Variants in SP100 observed in about 807,000 individuals in gnomAD.
SP100 encodes the protein nuclear autoantigen Sp-100.
In SP100, 84 loss-of-function variants were observed where a neutral mutation model predicts 130.0. The ratio of observed to expected loss-of-function variants is 0.65; its 90% CI spans 0.54 to 0.77. SP100 has a LOEUF of 0.77. Among genes scored for constraint, SP100 ranks in the 30% least tolerant of loss-of-function variants. SP100 has a pLI of 0.00. For missense variants in SP100, 978 were observed against 1,052.2 expected (o/e 0.93, Z 0.97); for synonymous variants, 331 against 351.7 (o/e 0.94, Z 0.66).
intron 24 of SP100, among the ~76,000 whole-genome samples, chr2:230,529,505 T>C (rs1361020044): frequency 6.6e-6 from 1 of 152,216 alleles, no homozygotes; most frequent in African/African-American, 2.4e-5. Flanking sequence ...AGCATTCCCT[T>C]TGAAAACCGG....
rs1010350674 is a variant in SP100 at position 230,487,813 on chromosome 2, A to G, written c.1601-6603A>G. Among the ~76,000 whole-genome samples, 23 of 152,332 alleles carry G rather than the reference A, an allele frequency of 1.5e-4. No homozygotes were observed. The East Asian group carries it at 3.1e-3, about 20-fold the overall frequency. On this transcript the variant is annotated intron_variant, in intron 17 of 28. Coordinates refer to ENST00000340126, the MANE Select transcript of SP100 (RefSeq NM_001080391.2). ...TTCATGATATTGATTCTTCCTATCC[A>G]TAAGGTTGGAATGTTTTTTCATTTA...
At chr2:230,510,949 C>T (rs1690544869) in intron 23 of SP100, 176 bp from the exon 24 acceptor site, 1 of 642,752 alleles carries the variant, frequency 1.6e-6, no homozygotes, top group Middle Eastern at 4.2e-4. Flanking sequence ...CTGTCACTGA[C>T]ACATAATTTA....
Position 230,446,847 on chromosome 2 carries a change from A to G in SP100, c.468A>G (p.Glu156=). 6.2e-7 allele frequency: 1 copy of G among 1,611,978 alleles called. No homozygotes were observed. Residue 156 remains glutamate (E), a synonymous_variant, in exon 5 of 29, where the codon GAA becomes GAG. Transcript: ENST00000340126. ...TCCATGACAAATTGCCTCTCCAAGA[A>G]AGTGAAGAAGAAGAGAGGGAGGAGA... ...NVIHDKLPLQ[E]SEEEEREERS... is the part of the protein sequence containing the mutation.
rs190190738 is a variant in SP100 at position 230,542,989 on chromosome 2, C to A, written c.*43C>A. On this transcript the variant is annotated 3_prime_UTR_variant, in exon 29 of 29. Coordinates refer to ENST00000340126, the MANE Select transcript of SP100 (RefSeq NM_001080391.2). ...CTTCAGATCCTCTGGCAGCTAGCTACGCAATGTGCCTGTGGTCCCACTAAT... is the reference window on the plus strand; with the variant it reads ...CTTCAGATCCTCTGGCAGCTAGCTAAGCAATGTGCCTGTGGTCCCACTAAT... 1 of 1,099,146 alleles carries A rather than the reference C, an allele frequency of 9.1e-7. No individual in the cohort carries two copies. The highest frequency in any genetic ancestry group is 1.4e-6 in the Non-Finnish European group (1 of 718,082). 68.1% of individuals were successfully genotyped at this position (1,099,146 alleles called of 1,614,324 possible). A position where few individuals can be genotyped will look rare whatever the true frequency, so the allele number is the denominator to read the frequency against.
At chr2:230,518,688 A>G (rs1691034825) in intron 24 of SP100, among the ~76,000 whole-genome samples, 2 of 152,050 alleles carry the variant, frequency 1.3e-5, no homozygotes, top group African/African-American at 4.8e-5. Context: ...GAAAATTGAT[A>G]TATTAGACAA....
At chr2:230,444,417 T>G in intron 4 of SP100, 71 bp downstream of exon 4, 29 of 1,221,720 alleles carry the variant, frequency 2.4e-5, no homozygotes, top group Non-Finnish European at 3.1e-5. Flanking sequence ...ACTGATCTCC[T>G]ACCATGAGTG....
chr2:230,532,489 T>C (rs1691744802), intron 24 of SP100, among the ~76,000 whole-genome samples: 2 of 151,974 alleles, frequency 1.3e-5, no homozygotes, highest in African/African-American at 4.8e-5. Flanking sequence ...TTTAGTTATC[T>C]TTACCATTAT....
intron 17 of SP100, among the ~76,000 whole-genome samples, chr2:230,482,567 T>A (rs2065883254): frequency 6.7e-6 from 1 of 148,492 alleles, no homozygotes; most frequent in Non-Finnish European, 1.5e-5. Flanking sequence ...TTAATTCTTT[T>A]AGAATTGATT....
chr2:230,466,191 A>AAAAAAC, intron 11 of SP100, 110 bp from the exon 12 acceptor site: 1 of 561,302 alleles, frequency 1.8e-6, no homozygotes, highest in South Asian at 2.4e-5. Flanking sequence ...TCTCAAAAAA[A>AAAAAAC]AAAAAAAAAA....
At chr2:230,500,788 A>T (rs2066976606) in intron 19 of SP100, among the ~76,000 whole-genome samples, 1 of 152,104 alleles carries the variant, frequency 6.6e-6, no homozygotes, top group Non-Finnish European at 1.5e-5. Context: ...ATGACATTTT[A>T]CTGTGGCAAC....
chr2:230,447,600 G>A (rs1004251324), intron 5 of SP100, among the ~76,000 whole-genome samples: 1 of 152,068 alleles, frequency 6.6e-6, no homozygotes, highest in African/African-American at 2.4e-5. Flanking sequence ...ACTTATATTT[G>A]ACATTTATTA....
At chr2:230,417,559 A>C (rs1163827049) in intron 1 of SP100, 32 bp from the exon 2 acceptor site, 1 of 1,603,568 alleles carries the variant, frequency 6.2e-7, no homozygotes, top group Non-Finnish European at 8.5e-7. Context: ...GGGTCCAGTT[A>C]TTTACTTGGT....
intron 15 of SP100, among the ~76,000 whole-genome samples, chr2:230,472,539 C>A (rs183571768): frequency 6.9e-6 from 1 of 144,784 alleles, no homozygotes; most frequent in East Asian, 2.1e-4. Flanking sequence ...AATAATAAAA[C>A]TAGATCTAAA....
chr2:230,481,995 T>C (rs1218259905), intron 17 of SP100, among the ~76,000 whole-genome samples: 3 of 152,186 alleles, frequency 2.0e-5, no homozygotes, highest in African/African-American at 2.4e-5. Flanking sequence ...TTAGGGTACA[T>C]GTGCACATTG....
chr2:230,471,322 T>C (rs982882836), intron 15 of SP100, among the ~76,000 whole-genome samples: 1 of 152,188 alleles, frequency 6.6e-6, no homozygotes, highest in Non-Finnish European at 1.5e-5. Context: ...TACTCATTGA[T>C]ATAGGTGTAT....
intron 1 of SP100, chr2:230,416,935 G>A (rs888871423): frequency 5.1e-6 from 5 of 971,696 alleles, no homozygotes; most frequent in Middle Eastern, 5.2e-4. Context: ...TCCCAAGATG[G>A]GGGATACCTC....
Position 230,506,462 on chromosome 2 carries a change from T to A in SP100, c.2013+17T>A. 6.2e-7 allele frequency: 1 copy of A among 1,612,414 alleles called. No homozygotes were observed. The highest frequency in any genetic ancestry group is 8.5e-7 in the Non-Finnish European group (1 of 1,178,796). On this transcript the variant is annotated intron_variant, in intron 22 of 28. Coordinates refer to ENST00000340126, the MANE Select transcript of SP100 (RefSeq NM_001080391.2). ...CTGATGGAGGTATTCTAGTGACAGA[T>A]GGCTGAAACCAAGGATTTAGCTGTC...
intron 24 of SP100, among the ~76,000 whole-genome samples, chr2:230,533,242 A>G (rs1026785067): frequency 6.6e-6 from 1 of 152,184 alleles, no homozygotes; most frequent in Admixed American, 6.5e-5. Context: ...AATGATGGAG[A>G]GAAAAGTTAA....
At chr2:230,494,898 C>T (rs946550956) in intron 18 of SP100, among the ~76,000 whole-genome samples, 1 of 152,220 alleles carries the variant, frequency 6.6e-6, no homozygotes, top group African/African-American at 2.4e-5. Context: ...AAATATAACG[C>T]TGGCCGGGCA....
Sources: allele counts gnomAD v4.1 joint callset (sites outside exome capture counted in the v4.1 genomes callset), GRCh38; gene constraint gnomAD v4.1.1; transcripts MANE v1.5; gene names NCBI Gene and HGNC (gene_info 2026-07-23, HGNC 2026-07-21).